Variants in CCK observed in about 807,000 individuals in gnomAD.
CCK encodes cholecystokinin triacontatriapeptide.
In CCK, 11 loss-of-function variants were observed where a neutral mutation model predicts 10.1. The observed-to-expected ratio is 1.09, with a 90% CI of 0.69 to 1.81. The LOEUF is 1.81. CCK is among the 40% of genes most tolerant of loss of function. The pLI, the probability that CCK is intolerant of heterozygous loss-of-function variation, is 0.00. For missense variants in CCK, 137 were observed against 159.9 expected (o/e 0.86, Z 0.77); for synonymous variants, 83 against 71.9 (o/e 1.15, Z -0.78).
Position 42,259,976 on chromosome 3 carries a change from G to T in CCK, c.215-1745C>A, listed in dbSNP as rs1247732661. ...CTGGTCTATATCCCTTCTGCATGAG[G>T]CTGCCCTTGCCAGCTCCTACCCATA... On this transcript the variant is annotated intron_variant, in intron 4 of 4. Coordinates refer to ENST00000396169, the MANE Select transcript of CCK (RefSeq NM_000729.6). Among the ~76,000 whole-genome samples the T allele has an allele frequency of 2.0e-5, 3 of 152,138 alleles. No homozygotes were observed. In the East Asian group the frequency reaches 5.8e-4, roughly 29 times the overall value.
In CCK at chr3:42,258,853, G is replaced by T. The variant is rs536611530; in HGVS notation, c.215-622C>A. Among the ~76,000 whole-genome samples, 11 of 152,234 alleles carry T rather than the reference G, an allele frequency of 7.2e-5. No homozygotes were observed. In the East Asian group the frequency reaches 1.9e-3, roughly 27 times the overall value. ...TATGACCCAGCAATCCCATTACTGG[G>T]TATATACCCAAAGGATTATAAACCA... On this transcript the variant is annotated intron_variant, in intron 4 of 4. Coordinates refer to ENST00000396169, the MANE Select transcript of CCK (RefSeq NM_000729.6).
At chr3:42,258,381 A>AT (rs1711168188) in intron 4 of CCK, 150 bp from the exon 5 acceptor site, 1 of 753,930 alleles carries the variant, frequency 1.3e-6, no homozygotes, top group African/African-American at 1.8e-5. Flanking sequence ...AGTGGAACTG[A>AT]TGGACCAAAA....
At position 42,265,325 on chromosome 3, in the gene CCK, G is replaced by C. The variant is rs1711271582; in HGVS notation, c.-270C>G. 1 of 152,346 alleles carries C rather than the reference G, an allele frequency of 6.6e-6. No individual in the cohort carries two copies. Among genetic ancestry groups the C allele is most frequent in the African/African-American group, 2.4e-5 (1 of 41,422 alleles). 9.4% of individuals were successfully genotyped at this position (152,346 alleles called of 1,614,324 possible). A position where few individuals can be genotyped will look rare whatever the true frequency, so the allele number is the denominator to read the frequency against. Reference sequence around the variant, plus strand: ...AGTCGGGGTCTTCACTTTCTTCTCAGCCGCATTAAAAGCCCTCGCAGTTCT... The same window carrying C: ...AGTCGGGGTCTTCACTTTCTTCTCACCCGCATTAAAAGCCCTCGCAGTTCT... On this transcript the variant is annotated 5_prime_UTR_variant, in exon 2 of 5. Coordinates refer to ENST00000396169, the MANE Select transcript of CCK (RefSeq NM_000729.6).
At chr3:42,264,980 C>T (rs1213389775) in intron 2 of CCK, 73 bp from the exon 3 acceptor site, 1 of 152,518 alleles carries the variant, frequency 6.6e-6, no homozygotes, top group Non-Finnish European at 1.5e-5. Context: ...GTGTCCGCCC[C>T]CTCTGGGTCC....
Position 42,265,750 on chromosome 3 carries a change from G to A in CCK, c.-449C>T. The stretch of plus-strand genomic sequence containing the variant: ...CCCCTAGTCAGTCACCCGTCCGGTG[G>A]AGGGAAGGGAGGCACCGAGGCTGCC... On this transcript the variant is annotated 5_prime_UTR_variant, in exon 1 of 5. Coordinates refer to ENST00000396169, the MANE Select transcript of CCK (RefSeq NM_000729.6). 1 of 152,328 alleles carries A rather than the reference G, an allele frequency of 6.6e-6. No homozygotes were observed. The highest frequency in any genetic ancestry group is 1.9e-4 in the East Asian group (1 of 5,190). 9.4% of individuals were successfully genotyped at this position (152,328 alleles called of 1,614,324 possible). A position where few individuals can be genotyped will look rare whatever the true frequency, so the allele number is the denominator to read the frequency against.
intron 3 of CCK, 181 bp from the exon 4 acceptor site, chr3:42,263,813 CCGGG>C (rs1711251997): frequency 9.5e-7 from 1 of 1,049,996 alleles, no homozygotes; most frequent in South Asian, 2.3e-5. Context: ...GCGCGCGCCC[CCGGG>C]CGCACCTGGC....
At position 42,258,122 on chromosome 3, in the gene CCK, G is replaced by A. The variant is rs140038691; in HGVS notation, c.324C>T (p.Ala108=). Residue 108 remains alanine, a synonymous_variant, in exon 5 of 5, where the codon GCC becomes GCT. Transcript: ENST00000396169. ...MGWMDFGRRS[A]EEYEYPS Reference sequence around the variant, plus strand: ...TCTAGGAGGGGTACTCATACTCCTCGGCACTGCGACGGCCAAAATCCATCC... The same window carrying A: ...TCTAGGAGGGGTACTCATACTCCTCAGCACTGCGACGGCCAAAATCCATCC... 4.8e-5 allele frequency: 77 copies of A among 1,613,886 alleles called. 1 individual carries two copies. Among genetic ancestry groups the A allele is most frequent in the African/African-American group, 1.5e-4 (11 of 74,876 alleles).
Position 42,258,103 on chromosome 3 carries a change from A to AG in CCK, c.342dup (p.Ser115LeufsTer44). On this transcript the variant is annotated frameshift_variant, in exon 5 of 5. Transcript: ENST00000396169. LOFTEE classifies it high-confidence loss of function. ...GCTGATGGCGGCTGGGTCCTCTAGG[A>AG]GGGGTACTCATACTCCTCGGCACTG... The AG allele has an allele frequency of 1.9e-6, 3 of 1,612,596 alleles. No individual in the cohort carries two copies. The highest frequency in any genetic ancestry group is 2.5e-6 in the Non-Finnish European group (3 of 1,179,580).
chr3:42,258,074 T>C lies in CCK; in HGVS notation c.*24A>G. The C allele has an allele frequency of 1.2e-6, 2 of 1,602,204 alleles. No individual in the cohort carries two copies. Among genetic ancestry groups the C allele is most frequent in the Non-Finnish European group, 1.7e-6 (2 of 1,175,372 alleles). ...CTCTGGGTTGGGAGGTTGCTTCCCG[T>C]TGGGCTGATGGCGGCTGGGTCCTCT... On this transcript the variant is annotated 3_prime_UTR_variant, in exon 5 of 5. Transcript: ENST00000396169.
intron 4 of CCK, among the ~76,000 whole-genome samples, chr3:42,260,545 T>A (rs982888394): frequency 3.3e-5 from 5 of 152,148 alleles, no homozygotes; most frequent in Non-Finnish European, 1.5e-5. Flanking sequence ...TCATGTGTAT[T>A]TACCAGGGTC....
chr3:42,259,043 TC>T (rs1711176701), intron 4 of CCK, among the ~76,000 whole-genome samples: 1 of 152,216 alleles, frequency 6.6e-6, no homozygotes, highest in African/African-American at 2.4e-5. Flanking sequence ...TGCGTTCATG[TC>T]CTTTGCAGGG....
chr3:42,258,693 T>C (rs1240557049), intron 4 of CCK, among the ~76,000 whole-genome samples: 4 of 152,176 alleles, frequency 2.6e-5, no homozygotes, highest in Non-Finnish European at 5.9e-5. Context: ...AGAGCTCTTG[T>C]TATTAAGGTG....
At chr3:42,262,869 A>G (rs1335920121) in intron 4 of CCK, 1 of 170,866 alleles carries the variant, frequency 5.9e-6, no homozygotes, top group Non-Finnish European at 1.3e-5. Context: ...AAGTAAAAAC[A>G]AATACCTCTC....
At chr3:42,264,012 A>C in intron 3 of CCK, 1 of 185,922 alleles carries the variant, frequency 5.4e-6, no homozygotes. Context: ...AAATATCCTA[A>C]AGGGAAGACT....
chr3:42,260,878 G>C (rs1711200808), intron 4 of CCK, among the ~76,000 whole-genome samples: 2 of 152,346 alleles, frequency 1.3e-5, no homozygotes, highest in South Asian at 4.1e-4. Flanking sequence ...GAAGCTGAAT[G>C]GCTTCCAGGC....
intron 4 of CCK, among the ~76,000 whole-genome samples, chr3:42,261,100 T>A (rs187911396): frequency 6.6e-6 from 1 of 152,332 alleles, no homozygotes; most frequent in Non-Finnish European, 1.5e-5. Flanking sequence ...GCACACTAAA[T>A]GCCTCTAGAT....
In CCK at chr3:42,258,107, G is replaced by T. The variant is rs1711160744; in HGVS notation, c.339C>A (p.Tyr113Ter). 1.9e-6 allele frequency: 3 copies of T among 1,613,530 alleles called. No homozygotes were observed. Among genetic ancestry groups the T allele is most frequent in the Non-Finnish European group, 8.5e-7 (1 of 1,179,898 alleles). The stretch of plus-strand genomic sequence containing the variant: ...ATGGCGGCTGGGTCCTCTAGGAGGG[G>T]TACTCATACTCCTCGGCACTGCGAC... Reference protein sequence around the residue: ...FGRRSAEEYEYPS With the variant: ...FGRRSAEEYE The change falls in exon 5 of 5, where the codon TAC becomes TAA. Residue 113 changes from tyrosine (Y) to a stop codon, truncating the protein, a stop_gained. Transcript: ENST00000396169. LOFTEE classifies it high-confidence loss of function.
intron 4 of CCK, chr3:42,263,003 C>A: frequency 3.4e-6 from 1 of 297,050 alleles, no homozygotes; most frequent in Non-Finnish European, 6.4e-6. Context: ...CTGTTGTAGC[C>A]AGATCTCAGG....
chr3:42,265,888 T>G lies in CCK; in HGVS notation c.-587A>C. The G allele has an allele frequency of 6.6e-6, 1 of 152,320 alleles. No homozygotes were observed. Among genetic ancestry groups the G allele is most frequent in the East Asian group, 1.9e-4 (1 of 5,188 alleles). The allele number at this position is 152,320 out of a possible 1,614,324, so 9.4% of individuals were successfully genotyped here. A position where few individuals can be genotyped will look rare whatever the true frequency, so the allele number is the denominator to read the frequency against. Reference sequence around the variant, plus strand: ...TGAAACCCTTTGAGTTCGAGTCCGCTTGCTGGTGCTTGAGTTCGCCGCGTC... The same window carrying G: ...TGAAACCCTTTGAGTTCGAGTCCGCGTGCTGGTGCTTGAGTTCGCCGCGTC... On this transcript the variant is annotated 5_prime_UTR_variant, in exon 1 of 5. Transcript: ENST00000396169.
Sources: gnomAD v4.1 joint callset for allele counts (sites outside exome capture counted in the v4.1 genomes callset) on GRCh38, gnomAD v4.1.1 for gene constraint, MANE v1.5 for transcripts, NCBI Gene and HGNC (gene_info 2026-07-23, HGNC 2026-07-21) for gene names.